The following GSE1 variants were observed in gnomAD, a reference collection of about 807,000 sequenced individuals.
GSE1 encodes the protein Gse1 coiled-coil protein.
GSE1 carries 32 observed loss-of-function variants against 112.6 expected under a neutral mutation model. The observed-to-expected ratio is 0.28, with a 90% CI of 0.21 to 0.38. The LOEUF is 0.38. GSE1 is among the 10% of genes least tolerant of loss of function. The pLI is 1.00. For missense variants in GSE1, 2,348 were observed against 1,699.2 expected (o/e 1.38, Z -6.71); for synonymous variants, 1,115 against 735.6 (o/e 1.52, Z -8.35).
intron 1 of GSE1, among the ~76,000 whole-genome samples, chr16:85,189,875 T>C (rs2074786317): frequency 6.6e-6 from 1 of 152,252 alleles, no homozygotes; most frequent in African/African-American, 2.4e-5. Flanking sequence ...CCCCTTTCAT[T>C]CCTGATATTG....
At chr16:85,621,089 C>G (rs1472375142) in intron 1 of GSE1, among the ~76,000 whole-genome samples, 1 of 145,816 alleles carries the variant, frequency 6.9e-6, no homozygotes, top group African/African-American at 2.6e-5. Context: ...GATCTCTGCA[C>G]TGTTGGGGAA....
rs1451880138 is a variant in GSE1 at position 85,450,438 on chromosome 16, C to G, written c.2464+92795C>G. Reference sequence around the variant, plus strand: ...CAGCCACCTTACTGTTTTTTTATTTCTTTATTTTTTATTTTTTATTTTTAT... The same window carrying G: ...CAGCCACCTTACTGTTTTTTTATTTGTTTATTTTTTATTTTTTATTTTTAT... On this transcript the variant is annotated intron_variant, in intron 2 of 2. Transcript: ENST00000637419. Among the ~76,000 whole-genome samples the G allele has an allele frequency of 4.0e-5, 6 of 149,710 alleles. No homozygotes were observed. In the Admixed American group the frequency reaches 4.0e-4, roughly 10 times the overall value.
chr16:85,183,817 C>A (rs886370211), intron 1 of GSE1, among the ~76,000 whole-genome samples: 1 of 152,196 alleles, frequency 6.6e-6, no homozygotes, highest in Non-Finnish European at 1.5e-5. Flanking sequence ...TGGGGAGCAG[C>A]AGAGCTGACA....
intron 2 of GSE1, among the ~76,000 whole-genome samples, chr16:85,394,463 T>C (rs2047921171): frequency 6.6e-6 from 1 of 152,196 alleles, no homozygotes; most frequent in Admixed American, 6.5e-5. Flanking sequence ...AGGGTCCCTT[T>C]AAAGCGAATG....
intron 1 of GSE1, among the ~76,000 whole-genome samples, chr16:85,290,887 C>T (rs1390278768): frequency 1.3e-5 from 2 of 152,212 alleles, no homozygotes; most frequent in African/African-American, 2.4e-5. Context: ...GTGGGAGCCC[C>T]ACCCAGCCTC....
chr16:85,294,616 A>ACT (rs756560732), intron 1 of GSE1, among the ~76,000 whole-genome samples: 6,839 of 76,506 alleles, frequency 0.089, 512 homozygotes, highest in East Asian at 0.21. Context: ...CACGCCTCTC[A>ACT]CTCTCTCTCT....
chr16:85,347,028 C>T (rs573261254), intron 1 of GSE1, among the ~76,000 whole-genome samples: 14 of 152,194 alleles, frequency 9.2e-5, no homozygotes, highest in East Asian at 3.9e-4. Flanking sequence ...TTAGATGTCA[C>T]GTGACAGGGT....
intron 1 of GSE1, among the ~76,000 whole-genome samples, chr16:85,328,473 C>G (rs2046272076): frequency 1.3e-5 from 2 of 152,240 alleles, no homozygotes; most frequent in Non-Finnish European, 1.5e-5. Flanking sequence ...CCCCCGCCCG[C>G]CTAGACACTC....
rs529673692 is a variant in GSE1, at chr16:85,663,438, G to A, written c.2468G>A (p.Arg823Gln). 7.4e-5 allele frequency: 119 copies of A among 1,613,890 alleles called. No individual in the cohort carries two copies. Among genetic ancestry groups the A allele is most frequent in the Admixed American group, 4.5e-4 (27 of 60,020 alleles). The change falls in exon 11 of 16, where the codon CGA becomes CAA. Residue 823 changes from arginine to glutamine, a missense_variant. Transcript: ENST00000253458. ...CGGAGGAAGCGGCGGAGGATGCTGC[G>A]AGAGAGAAGCCCGTCGCCCCCAACA... ...QKRRKRRRML[R>Q]ERSPSPPTIQ...
intron 1 of GSE1, among the ~76,000 whole-genome samples, chr16:85,605,757 T>A (rs1273028404): frequency 2.0e-5 from 3 of 151,814 alleles, no homozygotes; most frequent in African/African-American, 7.3e-5. Context: ...CCCCAGGGTG[T>A]TTTTAGAGGT....
In GSE1 at chr16:85,673,430, T is replaced by C. The variant is rs987090841; in HGVS notation, c.*891T>C. The C allele has an allele frequency of 3.9e-5, 6 of 152,266 alleles. No homozygotes were observed. Among genetic ancestry groups the C allele is most frequent in the African/African-American group, 1.5e-4 (6 of 41,324 alleles). The allele number at this position is 152,266 out of a possible 1,614,324, so 9.4% of individuals were successfully genotyped here. A position where few individuals can be genotyped will look rare whatever the true frequency, so the allele number is the denominator to read the frequency against. The stretch of plus-strand genomic sequence containing the variant: ...ATATGTGGTTTGGGGGATTTTTGTT[T>C]GTTTTTCCTGTTTGGGGGTTTTGTT... On this transcript the variant is annotated 3_prime_UTR_variant, in exon 16 of 16. Transcript: ENST00000253458.
chr16:85,365,872 G>A (rs2047175187), intron 2 of GSE1, among the ~76,000 whole-genome samples: 4 of 152,220 alleles, frequency 2.6e-5, no homozygotes, highest in African/African-American at 7.2e-5. Flanking sequence ...CTCCTTTGGA[G>A]CTTCTGCTAT....
At position 85,664,828 on chromosome 16, in the gene GSE1, G is replaced by A. The variant is rs1254962057; in HGVS notation, c.2645-187G>A. On this transcript the variant is annotated intron_variant, in intron 11 of 15. Transcript: ENST00000253458. The stretch of plus-strand genomic sequence containing the variant: ...TCTAGGACATTGTGTAGTGGATGCC[G>A]AGAGCAATCTGGGCTCGCTTTGAGA... 49 of 587,738 alleles carry A rather than the reference G, an allele frequency of 8.3e-5. 1 individual carries two copies. Among genetic ancestry groups the A allele is most frequent in the South Asian group, 5.0e-4 (25 of 50,010 alleles). The allele number at this position is 587,738 out of a possible 1,614,324, so 36.4% of individuals were successfully genotyped here. A position where few individuals can be genotyped will look rare whatever the true frequency, so the allele number is the denominator to read the frequency against.
At chr16:85,471,860 A>C (rs183428695) in intron 2 of GSE1, among the ~76,000 whole-genome samples, 147 of 152,246 alleles carry the variant, frequency 9.7e-4, no homozygotes, top group Non-Finnish European at 1.4e-3. Context: ...GCAGACACAC[A>C]CTGTCGTGCC....
At position 85,638,947 on chromosome 16, in the gene GSE1, CT is replaced by C. The variant is rs376171065; in HGVS notation, c.226+4816del. Among the ~76,000 whole-genome samples, 9 of 152,256 alleles carry C rather than the reference CT, an allele frequency of 5.9e-5. No homozygotes were observed. In the East Asian group the frequency reaches 1.6e-3, roughly 26 times the overall value. On this transcript the variant is annotated intron_variant, in intron 2 of 15. Coordinates refer to ENST00000253458, the MANE Select transcript of GSE1 (RefSeq NM_014615.5). The stretch of plus-strand genomic sequence containing the variant: ...GCAGGGTGCAGGCAGGGCCAAGTGG[CT>C]GCCTGTTGGTCTTGACTTTCTGGGA...
At chr16:85,610,291 C>A (rs935777073), upstream of GSE1, among the ~76,000 whole-genome samples, 2 of 152,214 alleles carry the variant, frequency 1.3e-5, no homozygotes, top group Admixed American at 1.3e-4. Context: ...CTAGCTCCTT[C>A]CAGGCAAATG....
intron 1 of GSE1, among the ~76,000 whole-genome samples, chr16:85,229,548 C>T (rs984120777): frequency 6.6e-6 from 1 of 152,202 alleles, no homozygotes; most frequent in Non-Finnish European, 1.5e-5. Flanking sequence ...CGATTTCATA[C>T]TCACATGAGT....
At chr16:85,177,584 C>G (rs372364501) in intron 1 of GSE1, among the ~76,000 whole-genome samples, 15 of 152,246 alleles carry the variant, frequency 9.9e-5, no homozygotes, top group Admixed American at 2.6e-4. Context: ...AGGCGATTTG[C>G]GTTGTGTACG....
chr16:85,624,147 G>A (rs367572731), intron 1 of GSE1, among the ~76,000 whole-genome samples: 6 of 152,316 alleles, frequency 3.9e-5, no homozygotes, highest in South Asian at 4.1e-4. Context: ...GCCACCCGCC[G>A]TCCCACGGAA....
Sources: allele counts gnomAD v4.1 joint callset (sites outside exome capture counted in the v4.1 genomes callset), GRCh38; gene constraint gnomAD v4.1.1; transcripts MANE v1.5; gene names NCBI Gene and HGNC (gene_info 2026-07-23, HGNC 2026-07-21).